Variants in NSG2 observed in about 807,000 individuals in gnomAD.
The protein encoded by NSG2 is neuronal vesicle trafficking associated 2, also known as neuronal vesicle trafficking-associated protein 2.
Under a neutral mutation model 16.9 loss-of-function variants are expected in NSG2, and 4 were observed. The observed-to-expected ratio is 0.24, with a 90% CI of 0.12 to 0.54. The LOEUF (loss-of-function observed/expected upper bound fraction) is 0.54, where lower values mean the gene tolerates loss of function less well. Among genes scored for constraint, NSG2 ranks in the 20% least tolerant of loss-of-function variants. The pLI, the probability that NSG2 is intolerant of heterozygous loss-of-function variation, is 0.95. For synonymous variants in NSG2, 98 were observed against 88.7 expected, an observed-to-expected ratio of 1.11 and a Z score of -0.59; for missense variants, 179 against 221.1, an observed-to-expected ratio of 0.81 and a Z score of 1.21.
In NSG2 at chr5:174,108,811, T is replaced by C. The variant is rs1761025053; in HGVS notation, c.*1306T>C. On this transcript the variant is annotated 3_prime_UTR_variant, in exon 5 of 5. Transcript: ENST00000303177. ...GAACCAGCTGGGAGAATTGGTTATTTGAGATGTGGTACTGCTTCCTCACAA... is the reference window on the plus strand; with the variant it reads ...GAACCAGCTGGGAGAATTGGTTATTCGAGATGTGGTACTGCTTCCTCACAA... 1 of 152,708 alleles carries C rather than the reference T, an allele frequency of 6.5e-6. No individual in the cohort carries two copies. Among genetic ancestry groups the C allele is most frequent in the Non-Finnish European group, 1.5e-5 (1 of 68,076 alleles). The allele number at this position is 152,708 out of a possible 1,614,324, so 9.5% of individuals were successfully genotyped here. A position where few individuals can be genotyped will look rare whatever the true frequency, so the allele number is the denominator to read the frequency against.
In NSG2 at chr5:174,076,562, T is replaced by A. The variant is rs868566067; in HGVS notation, c.213+12247T>A. On this transcript the variant is annotated intron_variant, in intron 3 of 4. Transcript: ENST00000303177. ...TTTCTCTGAGGCTAAGAAAAAAAAA[T>A]TTCTAATTTCTAAAAGAATCTCCAA... is the stretch of plus-strand genomic sequence containing the variant. Among the ~76,000 whole-genome samples, 11 of 152,122 alleles carry A rather than the reference T, an allele frequency of 7.2e-5. No individual in the cohort carries two copies. In the East Asian group the frequency reaches 7.7e-4, roughly 11 times the overall value.
rs78787093 is a variant in NSG2 at position 174,051,522 on chromosome 5, G to A, written c.129+4638G>A. 1.5e-3 allele frequency among the ~76,000 whole-genome samples: 229 copies of A among 151,982 alleles called. 1 individual carries two copies. Among genetic ancestry groups the A allele is most frequent in the South Asian group, 2.5e-3 (12 of 4,810 alleles). ...AGTTGTACCTATTCATTCATTCGTC[G>A]TCCATCTATCCATCCATCCACCAAT... is the stretch of plus-strand genomic sequence containing the variant. On this transcript the variant is annotated intron_variant, in intron 2 of 4. Transcript: ENST00000303177.
chr5:174,057,063 A>T (rs1759977484), intron 2 of NSG2, among the ~76,000 whole-genome samples: 1 of 152,256 alleles, frequency 6.6e-6, no homozygotes, highest in Admixed American at 6.5e-5. Flanking sequence ...ATATGGAAAG[A>T]AAACAAAGTT....
At chr5:174,078,657 G>A (rs959273941) in intron 3 of NSG2, among the ~76,000 whole-genome samples, 1 of 152,152 alleles carries the variant, frequency 6.6e-6, no homozygotes, top group African/African-American at 2.4e-5. Context: ...TAGGAGGTGG[G>A]GCCTTTGGGA....
At chr5:174,065,395 G>C (rs138340345) in intron 3 of NSG2, among the ~76,000 whole-genome samples, 291 of 152,148 alleles carry the variant, frequency 1.9e-3, no homozygotes, top group Middle Eastern at 0.017. Context: ...AGACACAGAT[G>C]AGGCAGAAGT....
At chr5:174,063,300 T>C (rs1286577858) in intron 2 of NSG2, among the ~76,000 whole-genome samples, 2 of 152,228 alleles carry the variant, frequency 1.3e-5, no homozygotes, top group Non-Finnish European at 2.9e-5. Flanking sequence ...TCTTTCACTT[T>C]GCCTGCACAG....
intron 3 of NSG2, among the ~76,000 whole-genome samples, chr5:174,102,754 T>TTTA (rs1561676654): frequency 1.3e-3 from 122 of 90,850 alleles, no homozygotes; most frequent in African/African-American, 3.3e-3. Flanking sequence ...GCTTTGTTTT[T>TTTA]TTTATTTATT....
chr5:174,060,394 T>G (rs1186041038), intron 2 of NSG2, among the ~76,000 whole-genome samples: 3 of 152,120 alleles, frequency 2.0e-5, no homozygotes, highest in Admixed American at 6.6e-5. Flanking sequence ...TTAAATTTAC[T>G]AGTCTCTGAG....
chr5:174,051,467 C>T (rs1581216174), intron 2 of NSG2, among the ~76,000 whole-genome samples: 1 of 152,156 alleles, frequency 6.6e-6, no homozygotes, highest in Non-Finnish European at 1.5e-5. Context: ...CTCCTGAATG[C>T]CTTCCTTGAC....
chr5:174,054,907 A>T (rs1295410677), intron 2 of NSG2, among the ~76,000 whole-genome samples: 4 of 152,232 alleles, frequency 2.6e-5, no homozygotes, highest in African/African-American at 7.2e-5. Flanking sequence ...CTGTTTCCTC[A>T]TGACACTAGT....
intron 2 of NSG2, among the ~76,000 whole-genome samples, chr5:174,063,659 G>T (rs960671784): frequency 6.6e-6 from 1 of 151,804 alleles, no homozygotes; most frequent in African/African-American, 2.4e-5. Context: ...GGCATGCAAT[G>T]TGAAGCACAT....
chr5:174,064,549 T>C (rs1328082541), intron 3 of NSG2: 5 of 357,302 alleles, frequency 1.4e-5, no homozygotes, highest in Non-Finnish European at 2.5e-5. Flanking sequence ...ATAAATCTCA[T>C]AATTGATAAA....
rs1368424635 is a variant in NSG2 at position 174,107,170 on chromosome 5, C to T, written c.325-144C>T. 5 of 604,044 alleles carry T rather than the reference C, an allele frequency of 8.3e-6. No homozygotes were observed. The highest frequency in any genetic ancestry group is 6.6e-5 in the Admixed American group (2 of 30,180). The allele number at this position is 604,044 out of a possible 1,614,324, so 37.4% of individuals were successfully genotyped here. ...GGTGCTGGTGTTGGGAAGGCTGCTG[C>T]GTGCCAGGCCCAGGTCAGGAGCTGT... On this transcript the variant is annotated intron_variant, in intron 4 of 4. Transcript: ENST00000303177. The surrounding 1 kb of genome is among the most constrained non-coding windows in gnomAD (Gnocchi z 4.5).
intron 3 of NSG2, among the ~76,000 whole-genome samples, chr5:174,098,728 C>G (rs12110110): frequency 0.12 from 17,807 of 152,136 alleles, 1,334 homozygotes; most frequent in African/African-American, 0.21. Context: ...AATGGCTGTG[C>G]ACAGCATCCG....
intron 3 of NSG2, among the ~76,000 whole-genome samples, chr5:174,102,170 G>A (rs1225823413): frequency 6.6e-6 from 1 of 152,144 alleles, no homozygotes; most frequent in Non-Finnish European, 1.5e-5. Flanking sequence ...GCTCATGGAC[G>A]GTGTCTGCCC....
Position 174,107,444 on chromosome 5 carries a change from C to G in NSG2, c.455C>G (p.Pro152Arg). ...AKQSTARAIG[P>R]WLSAAAVIHE... is the part of the protein sequence containing the mutation. Reference sequence around the variant, plus strand: ...CAGAGCACTGCCCGGGCCATCGGGCCGTGGCTGTCAGCAGCCGCTGTCATC... The same window carrying G: ...CAGAGCACTGCCCGGGCCATCGGGCGGTGGCTGTCAGCAGCCGCTGTCATC... The change falls in exon 5 of 5, where the codon CCG becomes CGG. Residue 152 changes from proline to arginine, a missense_variant. Physicochemically the swap from Pro to Arg is moderately radical, Grantham distance 103. Coordinates refer to ENST00000303177, the MANE Select transcript of NSG2 (RefSeq NM_015980.5). This position sits in a 1 kb window ranked among gnomAD's most constrained non-coding sequence, Gnocchi z 4.5. The G allele has an allele frequency of 1.9e-6, 3 of 1,612,350 alleles. No individual in the cohort carries two copies. The highest frequency in any genetic ancestry group is 2.5e-6 in the Non-Finnish European group (3 of 1,178,870).
chr5:174,087,557 G>A (rs901425495), intron 3 of NSG2, among the ~76,000 whole-genome samples: 10 of 151,952 alleles, frequency 6.6e-5, no homozygotes, highest in African/African-American at 2.2e-4. Flanking sequence ...AGGTAGGAGG[G>A]TTACTTGAAG....
intron 3 of NSG2, among the ~76,000 whole-genome samples, chr5:174,085,280 G>A (rs944815839): frequency 6.6e-6 from 1 of 152,242 alleles, no homozygotes; most frequent in Non-Finnish European, 1.5e-5. Flanking sequence ...AGGAGATGCA[G>A]ATAAGGAGAC....
chr5:174,062,692 AAC>A (rs1359974208), intron 2 of NSG2: 1 of 152,210 alleles, frequency 6.6e-6, no homozygotes, highest in Non-Finnish European at 1.5e-5. Context: ...GGGCCTCCTT[AAC>A]CCCCATAAGT....
Sources: allele counts gnomAD v4.1 joint callset (sites outside exome capture counted in the v4.1 genomes callset), GRCh38; gene constraint gnomAD v4.1.1; non-coding constraint Gnocchi (gnomAD v3.1); transcripts MANE v1.5; gene names NCBI Gene and HGNC (gene_info 2026-07-23, HGNC 2026-07-21).